TCF23: variants seen among roughly 807,000 people sequenced by gnomAD.
TCF23 encodes transcription factor 23, also known as class A basic helix-loop-helix protein 24.
TCF23 carries 7 observed loss-of-function variants against 13.0 expected under a neutral mutation model. That is an observed-to-expected ratio of 0.54 (90% CI 0.31 to 1.01). The LOEUF is 1.01. Among genes scored for constraint, TCF23 ranks in the 50% least tolerant of loss-of-function variants. The probability of loss-of-function intolerance (pLI) is 0.06; values close to 1 mark genes in which losing one functional copy is unlikely to be tolerated. For missense variants in TCF23, 257 were observed against 289.8 expected, an observed-to-expected ratio of 0.89 and a Z score of 0.82; for synonymous variants, 122 against 119.5, an observed-to-expected ratio of 1.02 and a Z score of -0.14.
In TCF23 at chr2:27,150,101, C is replaced by T. The variant is rs1223579581; in HGVS notation, c.223-22C>T. The T allele has an allele frequency of 1.3e-5, 20 of 1,584,804 alleles. No individual in the cohort carries two copies. The highest frequency in any genetic ancestry group is 2.7e-5 in the African/African-American group (2 of 74,538). ...CAGTTGGGAGTCCAGGTCACACACA[C>T]TCACTGGGGCCCTCTGTGCAGAGCG... On this transcript the variant is annotated intron_variant, in intron 1 of 2. Transcript: ENST00000296096. This position sits in a 1 kb window ranked among gnomAD's most constrained non-coding sequence, Gnocchi z 4.1.
intron 2 of TCF23, among the ~76,000 whole-genome samples, chr2:27,151,443 C>T (rs565832127): frequency 3.3e-5 from 5 of 150,268 alleles, no homozygotes; most frequent in East Asian, 2.0e-4. Context: ...AAGTGATTCT[C>T]CTCCCTCAGC....
Position 27,150,027 on chromosome 2 carries a change from T to G in TCF23, c.223-96T>G. 1 of 1,531,272 alleles carries G rather than the reference T, an allele frequency of 6.5e-7. No homozygotes were observed. The highest frequency in any genetic ancestry group is 8.8e-7 in the Non-Finnish European group (1 of 1,141,178). 94.9% of individuals were successfully genotyped at this position (1,531,272 alleles called of 1,614,324 possible). A position where few individuals can be genotyped will look rare whatever the true frequency, so the allele number is the denominator to read the frequency against. On this transcript the variant is annotated intron_variant, in intron 1 of 2. Coordinates refer to ENST00000296096, the MANE Select transcript of TCF23 (RefSeq NM_175769.3). The surrounding 1 kb of genome is among the most constrained non-coding windows in gnomAD (Gnocchi z 4.1). ...CTCTGGTGCCTACTGCTAGACACCC[T>G]TCTACTCTGGTGGGAGACCTTGTGC... is the stretch of plus-strand genomic sequence containing the variant.
rs370405355 is a variant in TCF23, at chr2:27,150,260, C to G, written c.360C>G (p.Leu120=). The change falls in exon 2 of 3, where the codon CTC becomes CTG. Residue 120 remains leucine, a synonymous_variant. Coordinates refer to ENST00000296096, the MANE Select transcript of TCF23 (RefSeq NM_175769.3). The surrounding 1 kb of genome is among the most constrained non-coding windows in gnomAD (Gnocchi z 4.1). ...TKLSKLDVLV[L]AASYIAHLTR... is the part of the protein sequence containing the mutation. ...TCTCCAAGTTGGACGTGCTGGTGCT[C>G]GCCGCCAGCTACATAGCCCACCTCA... 1 of 1,613,592 alleles carries G rather than the reference C, an allele frequency of 6.2e-7. No homozygotes were observed. The highest frequency in any genetic ancestry group is 8.5e-7 in the Non-Finnish European group (1 of 1,179,970).
rs758658804 is a variant in TCF23, at chr2:27,149,275, A to G, written c.142A>G (p.Arg48Gly). ...SRTRQDPWEERSWSNQRWSRA... is the reference protein window; with the variant it reads ...SRTRQDPWEEGSWSNQRWSRA... ...GACAAGGCAGGACCCGTGGGAAGAAAGAAGCTGGAGCAACCAGAGATGGAG... is the reference window on the plus strand; with the variant it reads ...GACAAGGCAGGACCCGTGGGAAGAAGGAAGCTGGAGCAACCAGAGATGGAG... The change falls in exon 1 of 3, where the codon AGA becomes GGA. Residue 48 changes from arginine (R) to glycine (G), a missense_variant. Coordinates refer to ENST00000296096, the MANE Select transcript of TCF23 (RefSeq NM_175769.3). 1.2e-5 allele frequency: 19 copies of G among 1,595,846 alleles called. No individual in the cohort carries two copies. The highest frequency in any genetic ancestry group is 1.6e-5 in the Non-Finnish European group (19 of 1,171,396).
At position 27,149,212 on chromosome 2, in the gene TCF23, C is replaced by T; in HGVS notation, c.79C>T (p.Leu27=). ...HSQTQAKARL[L]PGADRKRSRL... is the part of the protein sequence containing the mutation. ...CCAGACTCAGGCCAAAGCACGGTTG[C>T]TGCCAGGCGCTGACAGGAAGAGGAG... The change falls in exon 1 of 3, where the codon CTG becomes TTG. Residue 27 remains leucine, a synonymous_variant. Transcript: ENST00000296096. 6.4e-7 allele frequency: 1 copy of T among 1,556,778 alleles called. No homozygotes were observed. Among genetic ancestry groups the T allele is most frequent in the African/African-American group, 1.4e-5 (1 of 73,490 alleles).
rs1314432472 is a variant in TCF23 at position 27,154,295 on chromosome 2, G to C, written c.*1428G>C. On this transcript the variant is annotated 3_prime_UTR_variant, in exon 3 of 3. Transcript: ENST00000296096. Reference sequence around the variant, plus strand: ...GTCCAGATGGAACAAATTACCTTTCGGTTAAATTTCAGCCCTTCAGAGTGG... The same window carrying C: ...GTCCAGATGGAACAAATTACCTTTCCGTTAAATTTCAGCCCTTCAGAGTGG... The C allele has an allele frequency of 6.6e-6, 1 of 152,158 alleles. No homozygotes were observed. The highest frequency in any genetic ancestry group is 2.4e-5 in the African/African-American group (1 of 41,432). The allele number at this position is 152,158 out of a possible 1,614,324, so 9.4% of individuals were successfully genotyped here. A position where few individuals can be genotyped will look rare whatever the true frequency, so the allele number is the denominator to read the frequency against.
rs1672804984 is a variant in TCF23 at position 27,154,347 on chromosome 2, T to G, written c.*1480T>G. The G allele has an allele frequency of 1.3e-5, 2 of 151,942 alleles. No homozygotes were observed. The allele number at this position is 151,942 out of a possible 1,614,324, so 9.4% of individuals were successfully genotyped here. A position where few individuals can be genotyped will look rare whatever the true frequency, so the allele number is the denominator to read the frequency against. The stretch of plus-strand genomic sequence containing the variant: ...AGGGGACGGGCATGACCAACTAGAG[T>G]CCCAACAAGGTTATCCTTAGACACA... On this transcript the variant is annotated 3_prime_UTR_variant, in exon 3 of 3. Transcript: ENST00000296096.
rs1461021042 is a variant in TCF23, at chr2:27,153,337, A to G, written c.*470A>G. 1 of 154,484 alleles carries G rather than the reference A, an allele frequency of 6.5e-6. No homozygotes were observed. The highest frequency in any genetic ancestry group is 1.9e-4 in the East Asian group (1 of 5,222). The allele number at this position is 154,484 out of a possible 1,614,324, so 9.6% of individuals were successfully genotyped here. The stretch of plus-strand genomic sequence containing the variant: ...CAGATCTGGGCTGGGTCACACAGCC[A>G]GAGGGGAAACTGAAGAAGGAAATGT... On this transcript the variant is annotated 3_prime_UTR_variant, in exon 3 of 3. Transcript: ENST00000296096.
In TCF23 at chr2:27,150,215, C is replaced by G. The variant is rs748722467; in HGVS notation, c.315C>G (p.Ala105=). Residue 105 remains alanine (A), a synonymous_variant, in exon 2 of 3, where the codon GCC becomes GCG. Coordinates refer to ENST00000296096, the MANE Select transcript of TCF23 (RefSeq NM_175769.3). This position sits in a 1 kb window ranked among gnomAD's most constrained non-coding sequence, Gnocchi z 4.1. ...AFLALQAALP[A]VPPDTKLSKL... Reference sequence around the variant, plus strand: ...TGGCCTTGCAGGCTGCTCTGCCTGCCGTGCCGCCCGACACCAAGCTCTCCA... The same window carrying G: ...TGGCCTTGCAGGCTGCTCTGCCTGCGGTGCCGCCCGACACCAAGCTCTCCA... 6.8e-6 allele frequency: 11 copies of G among 1,613,178 alleles called. No individual in the cohort carries two copies. Among genetic ancestry groups the G allele is most frequent in the Non-Finnish European group, 8.5e-7 (1 of 1,179,864 alleles).
intron 1 of TCF23, 83 bp downstream of exon 1, chr2:27,149,438 C>A: frequency 7.6e-7 from 1 of 1,313,134 alleles, no homozygotes; most frequent in Non-Finnish European, 1.1e-6. Flanking sequence ...ATGGTACAGC[C>A]TCACTCAGTA....
Position 27,154,027 on chromosome 2 carries a change from C to G in TCF23, c.*1160C>G, listed in dbSNP as rs1324970461. 5 of 152,166 alleles carry G rather than the reference C, an allele frequency of 3.3e-5. No homozygotes were observed. The highest frequency in any genetic ancestry group is 6.5e-5 in the Admixed American group (1 of 15,274). 9.4% of individuals were successfully genotyped at this position (152,166 alleles called of 1,614,324 possible). A position where few individuals can be genotyped will look rare whatever the true frequency, so the allele number is the denominator to read the frequency against. On this transcript the variant is annotated 3_prime_UTR_variant, in exon 3 of 3. Coordinates refer to ENST00000296096, the MANE Select transcript of TCF23 (RefSeq NM_175769.3). Reference sequence around the variant, plus strand: ...ATTGGCTCCTTGTAAAATTTGTGTTCGAGGCTTCCCTGGCTCTGGAGTTAT... The same window carrying G: ...ATTGGCTCCTTGTAAAATTTGTGTTGGAGGCTTCCCTGGCTCTGGAGTTAT...
At chr2:27,152,229 C>A (rs1672771077) in intron 2 of TCF23, among the ~76,000 whole-genome samples, 1 of 152,228 alleles carries the variant, frequency 6.6e-6, no homozygotes, top group South Asian at 2.1e-4. Context: ...TCCCTCAGCT[C>A]CCAGGTGGAG....
Position 27,149,029 on chromosome 2 carries a change from T to G in TCF23, c.-105T>G. ...GAGTTGGCGCCAGCTTCCTCGGATG[T>G]AGATATTGCTGGCTGGATGACCAGC... On this transcript the variant is annotated 5_prime_UTR_variant, in exon 1 of 3. The change abolishes the stop of an existing upstream ORF in the 5' untranslated region. Coordinates refer to ENST00000296096, the MANE Select transcript of TCF23 (RefSeq NM_175769.3). The G allele has an allele frequency of 9.0e-7, 1 of 1,109,660 alleles. No homozygotes were observed. Among genetic ancestry groups the G allele is most frequent in the Non-Finnish European group, 1.3e-6 (1 of 778,504 alleles). 68.7% of individuals were successfully genotyped at this position (1,109,660 alleles called of 1,614,324 possible).
Position 27,150,150 on chromosome 2 carries a change from C to T in TCF23, c.250C>T (p.Arg84Trp), listed in dbSNP as rs369275879. 4.8e-5 allele frequency: 78 copies of T among 1,608,302 alleles called. No homozygotes were observed. Among genetic ancestry groups the T allele is most frequent in the East Asian group, 4.5e-4 (20 of 44,832 alleles). ...RSEASPENAA[R>W]ERSRVRTLRQ... ...CGAGGCCAGTCCTGAGAATGCCGCG[C>T]GGGAGCGGAGCCGGGTCAGGACGCT... is the stretch of plus-strand genomic sequence containing the variant. Residue 84 changes from arginine to tryptophan, a missense_variant, in exon 2 of 3, where the codon CGG (arginine) becomes TGG (tryptophan). Arg to Trp is a moderately radical substitution (Grantham distance 101, BLOSUM62 -3). Coordinates refer to ENST00000296096, the MANE Select transcript of TCF23 (RefSeq NM_175769.3). This position sits in a 1 kb window ranked among gnomAD's most constrained non-coding sequence, Gnocchi z 4.1.
rs547381088 is a variant in TCF23, at chr2:27,154,264, C to T, written c.*1397C>T. 1.3e-5 allele frequency: 2 copies of T among 152,318 alleles called. No individual in the cohort carries two copies. The highest frequency in any genetic ancestry group is 2.9e-5 in the Non-Finnish European group (2 of 68,038). 9.4% of individuals were successfully genotyped at this position (152,318 alleles called of 1,614,324 possible). On this transcript the variant is annotated 3_prime_UTR_variant, in exon 3 of 3. Coordinates refer to ENST00000296096, the MANE Select transcript of TCF23 (RefSeq NM_175769.3). The stretch of plus-strand genomic sequence containing the variant: ...ATCGGATGTAGCCTCAAACCTGGCA[C>T]CTGAAGTCCAGATGGAACAAATTAC...
intron 2 of TCF23, 79 bp from the exon 3 acceptor site, chr2:27,152,609 G>C: frequency 6.5e-7 from 1 of 1,535,128 alleles, no homozygotes. Flanking sequence ...GGAGAAGGCT[G>C]GGTTTTGGGT....
intron 2 of TCF23, among the ~76,000 whole-genome samples, chr2:27,151,324 T>C (rs549875460): frequency 2.1e-4 from 32 of 152,236 alleles, no homozygotes; most frequent in African/African-American, 6.5e-4. Flanking sequence ...TATTTTATTA[T>C]TTATTTATAT....
In TCF23 at chr2:27,150,323, G is replaced by T; in HGVS notation, c.423G>T (p.Trp141Cys). The T allele has an allele frequency of 6.2e-7, 1 of 1,613,648 alleles. No individual in the cohort carries two copies. The highest frequency in any genetic ancestry group is 1.1e-5 in the South Asian group (1 of 91,062). Residue 141 changes from tryptophan to cysteine, a missense_variant, in exon 2 of 3, where the codon TGG becomes TGT. Trp to Cys is a radical substitution (Grantham distance 215). Coordinates refer to ENST00000296096, the MANE Select transcript of TCF23 (RefSeq NM_175769.3). This position sits in a 1 kb window ranked among gnomAD's most constrained non-coding sequence, Gnocchi z 4.1. ...TLGHELPGPAWPPFLRGLRYL... is the reference protein window; with the variant it reads ...TLGHELPGPACPPFLRGLRYL... ...GCCACGAGTTGCCTGGCCCTGCCTG[G>T]CCGCCCTTCCTGCGTGGACTCCGCT...
intron 2 of TCF23, 50 bp from the exon 3 acceptor site, chr2:27,152,638 C>T (rs368055511): frequency 2.3e-5 from 37 of 1,582,966 alleles, no homozygotes; most frequent in Admixed American, 8.7e-5. Flanking sequence ...TCCTGGACCA[C>T]GAAGGGCTGC....
Sources: allele counts gnomAD v4.1 joint callset (sites outside exome capture counted in the v4.1 genomes callset), GRCh38; gene constraint gnomAD v4.1.1; non-coding constraint Gnocchi (gnomAD v3.1); transcripts MANE v1.5; gene names NCBI Gene and HGNC (gene_info 2026-07-23, HGNC 2026-07-21).